RIMS2: variants seen among roughly 807,000 people sequenced by gnomAD.
The protein encoded by RIMS2 is regulating synaptic membrane exocytosis 2.
Under a neutral mutation model 174.4 loss-of-function variants are expected in RIMS2, and 59 were observed. That is an observed-to-expected ratio of 0.34 (90% CI 0.27 to 0.42). The LOEUF is 0.42. RIMS2 is among the 10% of genes least tolerant of loss of function. The pLI is 1.00. For missense variants in RIMS2, 1,620 were observed against 1,666.3 expected (o/e 0.97, Z 0.48); for synonymous variants, 606 against 572.5 (o/e 1.06, Z -0.84).
At chr8:103,843,660 T>A (rs1373991234) in intron 3 of RIMS2, among the ~76,000 whole-genome samples, 1 of 152,204 alleles carries the variant, frequency 6.6e-6, no homozygotes, top group Non-Finnish European at 1.5e-5. Flanking sequence ...GTTAGAATAG[T>A]GCATATTTCC....
intron 19 of RIMS2, among the ~76,000 whole-genome samples, chr8:104,163,305 T>A (rs2098775424): frequency 6.6e-6 from 1 of 152,216 alleles, no homozygotes; most frequent in Admixed American, 6.5e-5. Flanking sequence ...ATATTATTAT[T>A]CAGTAAATAT....
intron 19 of RIMS2, among the ~76,000 whole-genome samples, chr8:104,186,239 T>G (rs761366480): frequency 6.6e-6 from 1 of 151,062 alleles, no homozygotes; most frequent in South Asian, 2.1e-4. Flanking sequence ...TTCGGAAGAG[T>G]GAAGGGATGG....
intron 3 of RIMS2, chr8:103,880,795 AT>A (rs979046123): frequency 1.3e-5 from 5 of 385,700 alleles, no homozygotes; most frequent in Non-Finnish European, 2.3e-5. Context: ...TTTTGTAGGA[AT>A]TATAGAAACG....
At chr8:103,727,951 AT>A (rs34958697) in intron 2 of RIMS2, among the ~76,000 whole-genome samples, 1 of 151,064 alleles carries the variant, frequency 6.6e-6, no homozygotes, top group Non-Finnish European at 1.5e-5. Context: ...AAATTTTAGT[AT>A]TTTTTTTTAT....
At chr8:103,970,268 A>G (rs1043082909) in intron 15 of RIMS2, among the ~76,000 whole-genome samples, 1 of 152,082 alleles carries the variant, frequency 6.6e-6, no homozygotes, top group African/African-American at 2.4e-5. Flanking sequence ...GTGGAACAAG[A>G]TGGTTAGAGT....
intron 3 of RIMS2, among the ~76,000 whole-genome samples, chr8:103,870,087 A>G (rs976149782): frequency 3.3e-5 from 5 of 150,744 alleles, no homozygotes; most frequent in Non-Finnish European, 7.4e-5. Context: ...TCAGAGCCCA[A>G]CTGGTAGCAA....
At chr8:104,174,327 G>C (rs148696474) in intron 19 of RIMS2, among the ~76,000 whole-genome samples, 1 of 152,230 alleles carries the variant, frequency 6.6e-6, no homozygotes, top group East Asian at 1.9e-4. Flanking sequence ...TCTTAGACTA[G>C]TTAATAGGTT....
In RIMS2 at chr8:103,921,731, A is replaced by G; in HGVS notation, c.2143A>G (p.Met715Val). 7 of 1,579,126 alleles carry G rather than the reference A, an allele frequency of 4.4e-6. No individual in the cohort carries two copies. The highest frequency in any genetic ancestry group is 6.1e-6 in the Non-Finnish European group (7 of 1,148,464). ...TCCTTCTATTTCTGTTACCTCTCCC[A>G]TGAGTCCTGGAATGTTGAGGGATGT... Residue 715 changes from methionine to valine, a missense_variant, in exon 10 of 24, where the codon ATG becomes GTG. Physicochemically the swap from Met to Val is conservative, Grantham distance 21 (BLOSUM62 1). Around this residue, in one of 2 missense-constraint regions of RIMS2, gnomAD observed 1,395 missense variants for 1,360.1 expected, o/e 1.03. Coordinates refer to ENST00000504942, the Ensembl canonical transcript of RIMS2.
At chr8:104,003,809 G>A (rs1033264606) in intron 17 of RIMS2, among the ~76,000 whole-genome samples, 2 of 152,070 alleles carry the variant, frequency 1.3e-5, no homozygotes, top group Non-Finnish European at 2.9e-5. Context: ...TAGAAATGGT[G>A]ATAACAAGTT....
intron 8 of RIMS2, among the ~76,000 whole-genome samples, chr8:103,917,030 C>T (rs2076743840): frequency 6.6e-6 from 1 of 152,044 alleles, no homozygotes; most frequent in African/African-American, 2.4e-5. Context: ...TAATTTATAC[C>T]TCTGTTTTAT....
At chr8:104,252,577 T>A (rs992594395), downstream of RIMS2, 8 of 152,150 alleles carry the variant, frequency 5.3e-5, no homozygotes, top group African/African-American at 1.9e-4. Flanking sequence ...ATTTATATTA[T>A]TTTTAAAAAT....
chr8:103,614,836 T>A (rs1367773236), intron 1 of RIMS2, among the ~76,000 whole-genome samples: 1 of 152,218 alleles, frequency 6.6e-6, no homozygotes, highest in Non-Finnish European at 1.5e-5. Context: ...TATTAATACA[T>A]GTTTCGGGAC....
intron 1 of RIMS2, among the ~76,000 whole-genome samples, chr8:103,538,475 C>T (rs967481139): frequency 9.9e-5 from 15 of 150,972 alleles, no homozygotes; most frequent in Non-Finnish European, 1.9e-4. Flanking sequence ...TTTTATCCCT[C>T]GCCCCCCTCC....
At chr8:104,124,805 A>G (rs897916340) in intron 19 of RIMS2, among the ~76,000 whole-genome samples, 1 of 152,214 alleles carries the variant, frequency 6.6e-6, no homozygotes, top group African/African-American at 2.4e-5. Context: ...AAAGAGAAGC[A>G]GACCTGTCCA....
intron 1 of RIMS2, among the ~76,000 whole-genome samples, chr8:103,549,932 G>GCACCCAATA (rs1286927322): frequency 2.0e-5 from 3 of 147,982 alleles, no homozygotes; most frequent in Non-Finnish European, 4.6e-5. Context: ...TATCCTAAAT[G>GCACCCAATA]CAGGAGCACC....
At chr8:103,605,986 G>C (rs961183604) in intron 1 of RIMS2, among the ~76,000 whole-genome samples, 3 of 145,688 alleles carry the variant, frequency 2.1e-5, no homozygotes, top group African/African-American at 5.2e-5. Context: ...AGGGTTTTTT[G>C]TGTCTCTATT....
intron 19 of RIMS2, among the ~76,000 whole-genome samples, chr8:104,066,943 T>G (rs1434788444): frequency 6.6e-6 from 1 of 152,194 alleles, no homozygotes; most frequent in Non-Finnish European, 1.5e-5. Flanking sequence ...CTTTAAAATT[T>G]GTTACTAACA....
At chr8:104,103,266 A>G (rs1183294184) in intron 19 of RIMS2, among the ~76,000 whole-genome samples, 4 of 152,158 alleles carry the variant, frequency 2.6e-5, no homozygotes, top group African/African-American at 9.7e-5. Context: ...TAGATACAGA[A>G]TTCATTTTTG....
intron 17 of RIMS2, among the ~76,000 whole-genome samples, chr8:103,994,286 A>C (rs1313499940): frequency 6.6e-6 from 1 of 152,152 alleles, no homozygotes; most frequent in Non-Finnish European, 1.5e-5. Context: ...TAAGAATCAA[A>C]GTGTCTAGAA....
Sources: gnomAD v4.1 joint callset for allele counts (sites outside exome capture counted in the v4.1 genomes callset) on GRCh38, gnomAD v4.1.1 for gene constraint, gnomAD v4.1.1 regional missense constraint, MANE v1.5 for transcripts, NCBI Gene and HGNC (gene_info 2026-07-23, HGNC 2026-07-21) for gene names.